Variants in DLGAP1 observed in about 807,000 individuals in gnomAD.
DLGAP1 encodes the protein disks large-associated protein 1.
DLGAP1 carries 11 observed loss-of-function variants against 90.8 expected under a neutral mutation model. The observed-to-expected ratio is 0.12, with a 90% CI of 0.08 to 0.20. The LOEUF (loss-of-function observed/expected upper bound fraction) is 0.20, where lower values mean the gene tolerates loss of function less well. Among genes scored for constraint, DLGAP1 ranks in the 10% least tolerant of loss-of-function variants. The pLI is 1.00. For synonymous variants in DLGAP1, 558 were observed against 540.7 expected (o/e 1.03, Z -0.44); for missense variants, 1,050 against 1,333.8 (o/e 0.79, Z 3.31).
intron 1 of DLGAP1, among the ~76,000 whole-genome samples, chr18:4,219,495 T>C (rs2078032406): frequency 6.6e-6 from 1 of 152,130 alleles, no homozygotes; most frequent in African/African-American, 2.4e-5. Flanking sequence ...ATCCTATTTG[T>C]TTATTTTTTA....
At chr18:3,594,897 A>T (rs944298443) in intron 7 of DLGAP1, among the ~76,000 whole-genome samples, 1 of 152,164 alleles carries the variant, frequency 6.6e-6, no homozygotes, top group Non-Finnish European at 1.5e-5. Context: ...CTCAGGCCAG[A>T]AGCACTGCTC....
intron 2 of DLGAP1, among the ~76,000 whole-genome samples, chr18:4,099,357 G>C (rs1022697236): frequency 4.7e-5 from 7 of 147,814 alleles, no homozygotes; most frequent in African/African-American, 1.8e-4. Flanking sequence ...CTGTCTGTCT[G>C]TCTATCTTTT....
chr18:3,785,133 G>C (rs1025854544), intron 5 of DLGAP1, among the ~76,000 whole-genome samples: 6 of 152,194 alleles, frequency 3.9e-5, no homozygotes, highest in Non-Finnish European at 1.5e-5. Context: ...AAGTAGTTTT[G>C]AAGAACAGGC....
At chr18:4,310,061 T>C (rs752530403) in intron 1 of DLGAP1, among the ~76,000 whole-genome samples, 2 of 152,122 alleles carry the variant, frequency 1.3e-5, no homozygotes, top group Non-Finnish European at 2.9e-5. Flanking sequence ...TCTAATTCAA[T>C]TGCAGGAGAA....
At chr18:3,815,267 A>T (rs2067045546) in intron 4 of DLGAP1, among the ~76,000 whole-genome samples, 1 of 152,138 alleles carries the variant, frequency 6.6e-6, no homozygotes, top group African/African-American at 2.4e-5. Flanking sequence ...TTTACTCCCC[A>T]GTCACTTATT....
chr18:3,895,176 T>G (rs1177208602), intron 3 of DLGAP1, among the ~76,000 whole-genome samples: 1 of 152,084 alleles, frequency 6.6e-6, no homozygotes, highest in Non-Finnish European at 1.5e-5. Flanking sequence ...TCCACCAGCT[T>G]GAATACCAGG....
intron 10 of DLGAP1, among the ~76,000 whole-genome samples, chr18:3,510,613 T>C (rs539896417): frequency 6.6e-6 from 1 of 152,170 alleles, no homozygotes; most frequent in South Asian, 2.1e-4. Flanking sequence ...TGAATTATCT[T>C]GCTGAAGGGT....
chr18:3,708,010 C>CT (rs71368706), intron 7 of DLGAP1, among the ~76,000 whole-genome samples: 22,052 of 145,868 alleles, frequency 0.15, 3,409 homozygotes, highest in African/African-American at 0.4. Flanking sequence ...TTTGTAATTC[C>CT]TTTTTTTTTT....
intron 2 of DLGAP1, among the ~76,000 whole-genome samples, chr18:4,121,705 C>G (rs988895794): frequency 1.3e-5 from 2 of 152,170 alleles, no homozygotes; most frequent in Non-Finnish European, 2.9e-5. Context: ...TGTGCCCAAT[C>G]TCTCTCCCCT....
rs1163465299 is a variant in DLGAP1 at position 4,151,202 on chromosome 18, T to C, written c.-181A>G. ...TACCTTTGATTATCAATTGTCCATT[T>C]TCCTTGCTTCCGAGTCAGGAAAAGA... On this transcript the variant is annotated 5_prime_UTR_variant, in exon 2 of 13. Transcript: ENST00000315677. 3 of 152,224 alleles carry C rather than the reference T, an allele frequency of 2.0e-5. No homozygotes were observed. The highest frequency in any genetic ancestry group is 2.9e-5 in the Non-Finnish European group (2 of 68,040). 9.4% of individuals were successfully genotyped at this position (152,224 alleles called of 1,614,324 possible). A position where few individuals can be genotyped will look rare whatever the true frequency, so the allele number is the denominator to read the frequency against.
intron 1 of DLGAP1, among the ~76,000 whole-genome samples, chr18:4,337,689 C>CA (rs1055000547): frequency 1.8e-4 from 28 of 151,810 alleles, no homozygotes; most frequent in African/African-American, 6.5e-4. Context: ...CAGCCGAAAC[C>CA]AAAAAAATAC....
rs1568052911 is a variant in DLGAP1 at position 3,742,357 on chromosome 18, C to T, written c.1328G>A (p.Arg443Gln). 5.0e-6 allele frequency: 8 copies of T among 1,613,790 alleles called. No homozygotes were observed. Among genetic ancestry groups the T allele is most frequent in the African/African-American group, 1.3e-5 (1 of 74,924 alleles). The change falls in exon 6 of 13, where the codon CGA becomes CAA. Residue 443 changes from arginine to glutamine, a missense_variant. By Grantham distance (43) the Arg-to-Gln change is conservative (BLOSUM62 1). Coordinates refer to ENST00000315677, the MANE Select transcript of DLGAP1 (RefSeq NM_004746.4). ...KFRSRNESYMRAMSTISQVSE... is the reference protein window; with the variant it reads ...KFRSRNESYMQAMSTISQVSE... ...CACCTGGCTGATGGTGCTCATGGCT[C>T]GCATGTAGCTCTCATTCCTGGAGCG...
chr18:3,523,674 C>A (rs375982794), intron 10 of DLGAP1, among the ~76,000 whole-genome samples: 3 of 151,838 alleles, frequency 2.0e-5, no homozygotes, highest in Admixed American at 6.6e-5. Context: ...GGTGAAACCC[C>A]GTCTCTACTA....
chr18:3,864,099 T>C (rs1205832673), intron 4 of DLGAP1, among the ~76,000 whole-genome samples: 1 of 152,164 alleles, frequency 6.6e-6, no homozygotes, highest in Non-Finnish European at 1.5e-5. Context: ...GTCAAACAAG[T>C]GCTAAAGAAA....
chr18:4,009,621 T>C (rs954992453), intron 2 of DLGAP1, among the ~76,000 whole-genome samples: 2 of 152,238 alleles, frequency 1.3e-5, no homozygotes, highest in African/African-American at 2.4e-5. Context: ...TAGGGTTCTC[T>C]TCCTCCTTTG....
intron 9 of DLGAP1, among the ~76,000 whole-genome samples, chr18:3,560,807 G>A (rs950968184): frequency 3.3e-5 from 5 of 150,408 alleles, no homozygotes; most frequent in Non-Finnish European, 7.4e-5. Context: ...TTTCCATTGA[G>A]CATTTATGTG....
At chr18:3,572,465 T>C (rs569711225) in intron 8 of DLGAP1, among the ~76,000 whole-genome samples, 87 of 109,318 alleles carry the variant, frequency 8.0e-4, no homozygotes, top group African/African-American at 2.9e-3. Context: ...TGTTTGTTTC[T>C]GAGACAGAGT....
chr18:4,357,464 A>G (rs2081547080), intron 1 of DLGAP1, among the ~76,000 whole-genome samples: 1 of 152,106 alleles, frequency 6.6e-6, no homozygotes, highest in Admixed American at 6.6e-5. Flanking sequence ...GTAAACTTCA[A>G]AGGACAGGAT....
chr18:4,307,957 T>C (rs1215362551), intron 1 of DLGAP1, among the ~76,000 whole-genome samples: 1 of 151,964 alleles, frequency 6.6e-6, no homozygotes, highest in Non-Finnish European at 1.5e-5. Context: ...CTCAGGTGAT[T>C]CCCCTGCCTC....
Sources: allele counts gnomAD v4.1 joint callset (sites outside exome capture counted in the v4.1 genomes callset), GRCh38; gene constraint gnomAD v4.1.1; transcripts MANE v1.5; gene names NCBI Gene and HGNC (gene_info 2026-07-23, HGNC 2026-07-21).